CHRNB2: variants seen among roughly 807,000 people sequenced by gnomAD.
CHRNB2 encodes the protein neuronal acetylcholine receptor subunit beta-2.
Under a neutral mutation model 42.7 loss-of-function variants are expected in CHRNB2, and 33 were observed. The observed-to-expected ratio is 0.77, with a 90% CI of 0.59 to 1.03. The LOEUF is 1.03. Among genes scored for constraint, CHRNB2 ranks in the 50% least tolerant of loss-of-function variants. The probability of loss-of-function intolerance (pLI) is 0.00; values close to 1 mark genes in which losing one functional copy is unlikely to be tolerated. For synonymous variants in CHRNB2, 325 were observed against 292.9 expected, an observed-to-expected ratio of 1.11 and a Z score of -1.12; for missense variants, 603 against 700.9, an observed-to-expected ratio of 0.86 and a Z score of 1.58.
Position 154,576,078 on chromosome 1 carries a change from CCCA to C in CHRNB2, c.*148_*150del. 3 of 993,298 alleles carry C rather than the reference CCCA, an allele frequency of 3.0e-6. No homozygotes were observed. The South Asian group carries it at 4.1e-5, about 14-fold the overall frequency. 61.5% of individuals were successfully genotyped at this position (993,298 alleles called of 1,614,324 possible). A position where few individuals can be genotyped will look rare whatever the true frequency, so the allele number is the denominator to read the frequency against. ...TTGCTTCATCTGGAGTCCCTCCTCC[CCCA>C]CGCCTCCATCCACACACAGCAGCTC... is the stretch of plus-strand genomic sequence containing the variant. On this transcript the variant is annotated 3_prime_UTR_variant, in exon 6 of 6. Coordinates refer to ENST00000368476, the MANE Select transcript of CHRNB2 (RefSeq NM_000748.3).
chr1:154,567,876 C>T lies in CHRNB2; in HGVS notation c.-169C>T. ...AGGATAGGCAAGAAGCTGGTTTCTC[C>T]TCGCAGCCGGCTCCCTGAGGCCCAG... is the stretch of plus-strand genomic sequence containing the variant. On this transcript the variant is annotated 5_prime_UTR_variant, in exon 1 of 6. Transcript: ENST00000368476. 1 of 511,696 alleles carries T rather than the reference C, an allele frequency of 2.0e-6. No homozygotes were observed. Among genetic ancestry groups the T allele is most frequent in the Non-Finnish European group, 3.3e-6 (1 of 305,276 alleles). The allele number at this position is 511,696 out of a possible 1,614,324, so 31.7% of individuals were successfully genotyped here.
rs1309631347 is a variant in CHRNB2 at position 154,578,836 on chromosome 1, T to C, written c.*2904T>C. On this transcript the variant is annotated 3_prime_UTR_variant, in exon 6 of 6. Transcript: ENST00000368476. ...CAAGGACTGGAGGAAGCTCCAGATC[T>C]GGAGGTGGCAGAGATACTGGATGGA... The C allele has an allele frequency of 6.6e-6, 1 of 152,236 alleles. No individual in the cohort carries two copies. The highest frequency in any genetic ancestry group is 1.5e-5 in the Non-Finnish European group (1 of 68,046). The allele number at this position is 152,236 out of a possible 1,614,324, so 9.4% of individuals were successfully genotyped here.
chr1:154,571,579 C>T lies in CHRNB2; in HGVS notation c.756C>T (p.Ala252=). 1 of 1,614,210 alleles carries T rather than the reference C, an allele frequency of 6.2e-7. No individual in the cohort carries two copies. The highest frequency in any genetic ancestry group is 1.1e-5 in the South Asian group (1 of 91,088). ...CCTGTGTGCTCATCACCTCGCTAGC[C>T]ATCCTTGTCTTCTACCTGCCATCCG... ...IIPCVLITSL[A]ILVFYLPSDC... is the part of the protein sequence containing the mutation. Residue 252 remains alanine, a synonymous_variant, in exon 5 of 6, where the codon GCC becomes GCT. Transcript: ENST00000368476. This position sits in a 1 kb window ranked among gnomAD's most constrained non-coding sequence, Gnocchi z 6.8.
chr1:154,570,411 G>C (rs201950134), intron 4 of CHRNB2, 44 bp downstream of exon 4: 24 of 1,143,024 alleles, frequency 2.1e-5, no homozygotes, highest in Non-Finnish European at 2.9e-5. Flanking sequence ...GGAGGGCTCA[G>C]GGAGGGAAGG....
intron 5 of CHRNB2, among the ~76,000 whole-genome samples, chr1:154,575,247 T>C (rs1388946138): frequency 6.6e-6 from 1 of 152,150 alleles, no homozygotes. Flanking sequence ...GGCATGCAAA[T>C]TGAAACAATA....
At chr1:154,570,183 C>T in intron 3 of CHRNB2, 75 bp from the exon 4 acceptor site, 1 of 969,532 alleles carries the variant, frequency 1.0e-6, no homozygotes, top group Non-Finnish European at 1.6e-6. Flanking sequence ...ATATGGGCCC[C>T]CTCTAGTTCG....
At position 154,571,921 on chromosome 1, in the gene CHRNB2, C is replaced by A; in HGVS notation, c.1098C>A (p.Arg366=). The part of the protein sequence containing the change: ...CARQRLRLRR[R]QREREGAGAL... ...GTCAGCGCCTGCGCCTGCGGCGACG[C>A]CAGCGTGAGCGCGAGGGCGCTGGAG... The change falls in exon 5 of 6, where the codon CGC becomes CGA. Residue 366 remains arginine (R), a synonymous_variant. Coordinates refer to ENST00000368476, the MANE Select transcript of CHRNB2 (RefSeq NM_000748.3). This position sits in a 1 kb window ranked among gnomAD's most constrained non-coding sequence, Gnocchi z 6.8. The A allele has an allele frequency of 6.4e-7, 1 of 1,564,502 alleles. No homozygotes were observed. Among genetic ancestry groups the A allele is most frequent in the Non-Finnish European group, 8.6e-7 (1 of 1,159,898 alleles).
In CHRNB2 at chr1:154,576,421, G is replaced by A. The variant is rs988859704; in HGVS notation, c.*489G>A. ...GCCTGGGTGTGACCTGACACCTGCC[G>A]CTGCTTGAGTGGACAGCAGCTGGAC... is the stretch of plus-strand genomic sequence containing the variant. On this transcript the variant is annotated 3_prime_UTR_variant, in exon 6 of 6. Transcript: ENST00000368476. 3.6e-5 allele frequency: 9 copies of A among 248,242 alleles called. No individual in the cohort carries two copies. The highest frequency in any genetic ancestry group is 1.3e-4 in the African/African-American group (6 of 45,018). The allele number at this position is 248,242 out of a possible 1,614,324, so 15.4% of individuals were successfully genotyped here. A position where few individuals can be genotyped will look rare whatever the true frequency, so the allele number is the denominator to read the frequency against.
intron 1 of CHRNB2, 118 bp from the exon 2 acceptor site, chr1:154,569,344 C>T (rs1696118239): frequency 1.6e-6 from 2 of 1,233,468 alleles, no homozygotes; most frequent in Non-Finnish European, 1.2e-6. Context: ...TTGCAGTATC[C>T]TTAGGGATGT....
rs1229012590 is a variant in CHRNB2 at position 154,576,077 on chromosome 1, C to T, written c.*145C>T. On this transcript the variant is annotated 3_prime_UTR_variant, in exon 6 of 6. Transcript: ENST00000368476. Reference sequence around the variant, plus strand: ...TTTGCTTCATCTGGAGTCCCTCCTCCCCCACGCCTCCATCCACACACAGCA... The same window carrying T: ...TTTGCTTCATCTGGAGTCCCTCCTCTCCCACGCCTCCATCCACACACAGCA... The T allele has an allele frequency of 2.0e-6, 2 of 992,468 alleles. No homozygotes were observed. The highest frequency in any genetic ancestry group is 2.5e-5 in the East Asian group (1 of 39,464). The allele number at this position is 992,468 out of a possible 1,614,324, so 61.5% of individuals were successfully genotyped here.
intron 5 of CHRNB2, among the ~76,000 whole-genome samples, chr1:154,575,505 G>T (rs1052183189): frequency 6.6e-6 from 1 of 152,150 alleles, no homozygotes; most frequent in Non-Finnish European, 1.5e-5. Flanking sequence ...CTATGTTATG[G>T]GGTGGGAGGA....
At position 154,571,797 on chromosome 1, in the gene CHRNB2, C is replaced by T. The variant is rs1571022546; in HGVS notation, c.974C>T (p.Ser325Leu). The change falls in exon 5 of 6, where the codon TCG (serine) becomes TTG (leucine). Residue 325 changes from serine to leucine, a missense_variant. By Grantham distance (145) the Ser-to-Leu change is moderately radical. Coordinates refer to ENST00000368476, the MANE Select transcript of CHRNB2 (RefSeq NM_000748.3). The surrounding 1 kb of genome is among the most constrained non-coding windows in gnomAD (Gnocchi z 6.8). ...SVCVLNVHHR[S>L]PTTHTMAPWV... ...TGCGTGCTCAACGTGCACCACCGCT[C>T]GCCCACCACGCACACCATGGCGCCC... 1 of 1,614,098 alleles carries T rather than the reference C, an allele frequency of 6.2e-7. No homozygotes were observed. The highest frequency in any genetic ancestry group is 1.7e-5 in the Admixed American group (1 of 60,038).
chr1:154,576,116 G>A lies in CHRNB2; in HGVS notation c.*184G>A, dbSNP rs927150974. The A allele has an allele frequency of 1.4e-6, 1 of 707,064 alleles. No individual in the cohort carries two copies. The highest frequency in any genetic ancestry group is 1.8e-5 in the African/African-American group (1 of 56,928). 43.8% of individuals were successfully genotyped at this position (707,064 alleles called of 1,614,324 possible). A position where few individuals can be genotyped will look rare whatever the true frequency, so the allele number is the denominator to read the frequency against. On this transcript the variant is annotated 3_prime_UTR_variant, in exon 6 of 6. Coordinates refer to ENST00000368476, the MANE Select transcript of CHRNB2 (RefSeq NM_000748.3). ...CCACACACAGCAGCTCCAACCTGGA[G>A]GCTGGACCAACTGCTTTGTTTTGGC...
Position 154,567,919 on chromosome 1 carries a change from G to T in CHRNB2, c.-126G>T, listed in dbSNP as rs200436688. The T allele has an allele frequency of 6.2e-4, 518 of 834,008 alleles. 8 individuals carry two copies. The South Asian group carries it at 0.012, about 20-fold the overall frequency. The allele number at this position is 834,008 out of a possible 1,614,324, so 51.7% of individuals were successfully genotyped here. On this transcript the variant is annotated 5_prime_UTR_variant, in exon 1 of 6. Coordinates refer to ENST00000368476, the MANE Select transcript of CHRNB2 (RefSeq NM_000748.3). ...AGGCCCAGGAACCACCGCGGCGGCCGGCACCACCTGGACCCAGCTCCAGGC... is the reference window on the plus strand; with the variant it reads ...AGGCCCAGGAACCACCGCGGCGGCCTGCACCACCTGGACCCAGCTCCAGGC...
chr1:154,576,513 A>C lies in CHRNB2; in HGVS notation c.*581A>C. ...GTTTAGCCGGGCCCCATGGTCACAGACCCCTGGGGGAGGCTTCCAGCTCAG... is the reference window on the plus strand; with the variant it reads ...GTTTAGCCGGGCCCCATGGTCACAGCCCCCTGGGGGAGGCTTCCAGCTCAG... On this transcript the variant is annotated 3_prime_UTR_variant, in exon 6 of 6. Coordinates refer to ENST00000368476, the MANE Select transcript of CHRNB2 (RefSeq NM_000748.3). 1 of 185,558 alleles carries C rather than the reference A, an allele frequency of 5.4e-6. No individual in the cohort carries two copies. The highest frequency in any genetic ancestry group is 1.1e-4 in the South Asian group (1 of 8,732). The allele number at this position is 185,558 out of a possible 1,614,324, so 11.5% of individuals were successfully genotyped here. A position where few individuals can be genotyped will look rare whatever the true frequency, so the allele number is the denominator to read the frequency against.
Position 154,571,708 on chromosome 1 carries a change from G to T in CHRNB2, c.885G>T (p.Pro295=). 1.2e-6 allele frequency: 2 copies of T among 1,613,738 alleles called. No individual in the cohort carries two copies. Among genetic ancestry groups the T allele is most frequent in the Non-Finnish European group, 1.7e-6 (2 of 1,179,870 alleles). ...TGCCTCCCACCTCCCTCGACGTGCCGCTCGTCGGCAAGTACCTCATGTTCA... is the reference window on the plus strand; with the variant it reads ...TGCCTCCCACCTCCCTCGACGTGCCTCTCGTCGGCAAGTACCTCATGTTCA... ...KIVPPTSLDV[P]LVGKYLMFTM... is the part of the protein sequence containing the mutation. Residue 295 remains proline, a synonymous_variant, in exon 5 of 6, where the codon CCG becomes CCT. Transcript: ENST00000368476. This position sits in a 1 kb window ranked among gnomAD's most constrained non-coding sequence, Gnocchi z 6.8.
intron 5 of CHRNB2, among the ~76,000 whole-genome samples, chr1:154,572,823 AGGCTTTCTGCATACCC>A (rs1696203916): frequency 6.6e-6 from 1 of 152,152 alleles, no homozygotes; most frequent in South Asian, 2.1e-4. Context: ...CCCCTTCCTC[AGGCTTTCTGCATACCC>A]GGCTTTTGGC....
chr1:154,568,039 C>G lies in CHRNB2; in HGVS notation c.-6C>G, dbSNP rs754108624. ...TGTAGGCGAGGCAGCGAGCTATGCC[C>G]GCGGCATGGCCCGGCGCTGCGGCCC... On this transcript the variant is annotated 5_prime_UTR_variant, in exon 1 of 6. Transcript: ENST00000368476. The G allele has an allele frequency of 3.8e-6, 6 of 1,587,608 alleles. No homozygotes were observed. The African/African-American group carries it at 5.4e-5, about 14-fold the overall frequency.
chr1:154,575,830 C>CTT lies in CHRNB2; in HGVS notation c.1408_1409insTT (p.Cys470PhefsTer61). On this transcript the variant is annotated frameshift_variant, in exon 6 of 6. Transcript: ENST00000368476. LOFTEE classifies it high-confidence loss of function. ...TCTTCCTCTGGATCTTTGTCTTTGT[C>CTT]TGTGTCTTTGGCACCATCGGCATGT... 1 of 1,614,176 alleles carries CTT rather than the reference C, an allele frequency of 6.2e-7. No homozygotes were observed. The highest frequency in any genetic ancestry group is 8.5e-7 in the Non-Finnish European group (1 of 1,180,038).
Sources: gnomAD v4.1 joint callset for allele counts (sites outside exome capture counted in the v4.1 genomes callset) on GRCh38, gnomAD v4.1.1 for gene constraint, Gnocchi (gnomAD v3.1) non-coding constraint, MANE v1.5 for transcripts, NCBI Gene and HGNC (gene_info 2026-07-23, HGNC 2026-07-21) for gene names.